Variants in RORA observed in about 807,000 individuals in gnomAD.
The protein encoded by RORA is RAR related orphan receptor A.
A neutral mutation model predicts 69.5 loss-of-function variants in RORA; 7 were observed. That is an observed-to-expected ratio of 0.10 (90% CI 0.06 to 0.19). The LOEUF (loss-of-function observed/expected upper bound fraction) is 0.19. Ranked by LOEUF, RORA falls within the 10% of genes least tolerant of loss-of-function variation. The pLI, the probability that RORA is intolerant of heterozygous loss-of-function variation, is 1.00. For missense variants in RORA, 457 were observed against 663.0 expected, an observed-to-expected ratio of 0.69 and a Z score of 3.41; for synonymous variants, 261 against 240.8, an observed-to-expected ratio of 1.08 and a Z score of -0.78.
At chr15:60,568,423 T>G (rs1013601945) in intron 2 of RORA, among the ~76,000 whole-genome samples, 1 of 152,182 alleles carries the variant, frequency 6.6e-6, no homozygotes, top group East Asian at 1.9e-4. Context: ...CTGATGTAGT[T>G]AAGGGAAACA....
At chr15:61,018,620 T>C (rs114832627) in intron 1 of RORA, among the ~76,000 whole-genome samples, 2,792 of 152,230 alleles carry the variant, frequency 0.018, 104 homozygotes, top group African/African-American at 0.064. Flanking sequence ...AGCATGCATG[T>C]ATATACTGCA....
intron 1 of RORA, among the ~76,000 whole-genome samples, chr15:61,013,846 C>T (rs1463388024): frequency 8.3e-5 from 11 of 131,796 alleles, no homozygotes; most frequent in African/African-American, 2.9e-4. Flanking sequence ...TGCAGTGGCG[C>T]AATTTCGGCT....
At chr15:60,811,997 A>G (rs973816500) in intron 1 of RORA, among the ~76,000 whole-genome samples, 3 of 152,184 alleles carry the variant, frequency 2.0e-5, no homozygotes, top group African/African-American at 7.2e-5. Flanking sequence ...AAGTTGAATC[A>G]AGCAGTAGCA....
intron 1 of RORA, among the ~76,000 whole-genome samples, chr15:61,150,873 G>A (rs2079391519): frequency 6.6e-6 from 1 of 152,126 alleles, no homozygotes; most frequent in Non-Finnish European, 1.5e-5. Flanking sequence ...TCATTACATT[G>A]TGTCAGCTGC....
chr15:60,699,218 T>C (rs1039421367), intron 1 of RORA, among the ~76,000 whole-genome samples: 2 of 152,200 alleles, frequency 1.3e-5, no homozygotes, highest in African/African-American at 4.8e-5. Flanking sequence ...TTTCTGCCTT[T>C]CCTTGCATGC....
intron 1 of RORA, among the ~76,000 whole-genome samples, chr15:61,030,350 T>C (rs1000630848): frequency 6.6e-6 from 1 of 152,212 alleles, no homozygotes; most frequent in African/African-American, 2.4e-5. Context: ...AGAATATCCT[T>C]GTATACAGGG....
At chr15:60,637,187 A>G (rs773260158) in intron 2 of RORA, among the ~76,000 whole-genome samples, 28 of 152,144 alleles carry the variant, frequency 1.8e-4, no homozygotes, top group Non-Finnish European at 3.4e-4. Flanking sequence ...TTCACAGTAT[A>G]TTAATGTCTT....
intron 1 of RORA, among the ~76,000 whole-genome samples, chr15:60,722,292 T>A (rs2140825949): frequency 1.3e-5 from 2 of 152,326 alleles, no homozygotes; most frequent in South Asian, 2.1e-4. Flanking sequence ...GAGCTTGTGT[T>A]CCAGTGAGTG....
chr15:61,005,583 C>G (rs1595873393), intron 1 of RORA, among the ~76,000 whole-genome samples: 1 of 149,138 alleles, frequency 6.7e-6, no homozygotes, highest in South Asian at 2.2e-4. Flanking sequence ...TTCTCTCTCT[C>G]TCTTTCTCTA....
chr15:60,943,345 G>A (rs188239653), intron 1 of RORA, among the ~76,000 whole-genome samples: 7 of 151,172 alleles, frequency 4.6e-5, no homozygotes, highest in East Asian at 3.9e-4. Flanking sequence ...GCTTAGGAAC[G>A]TCAATTCTGA....
intron 1 of RORA, among the ~76,000 whole-genome samples, chr15:61,149,130 G>C (rs774675331): frequency 6.6e-6 from 1 of 152,196 alleles, no homozygotes; most frequent in Non-Finnish European, 1.5e-5. Context: ...CCATTCAGCT[G>C]ACTCTGTTCC....
intron 3 of RORA, among the ~76,000 whole-genome samples, chr15:60,524,274 C>A (rs1028829120): frequency 1.3e-5 from 2 of 152,004 alleles, no homozygotes; most frequent in Admixed American, 6.6e-5. Context: ...CTTCCATTCT[C>A]ATTCCCTCCA....
At chr15:60,610,812 C>G (rs1298857919) in intron 2 of RORA, among the ~76,000 whole-genome samples, 1 of 152,112 alleles carries the variant, frequency 6.6e-6, no homozygotes, top group Non-Finnish European at 1.5e-5. Context: ...GGGCGACCAT[C>G]CAAATACAAA....
intron 1 of RORA, among the ~76,000 whole-genome samples, chr15:61,222,590 T>C (rs1446069359): frequency 1.3e-5 from 2 of 152,172 alleles, no homozygotes. Context: ...AACTGGGCTG[T>C]CACAAAAGAA....
intron 1 of RORA, among the ~76,000 whole-genome samples, chr15:60,821,486 G>A (rs1156733921): frequency 2.6e-5 from 4 of 152,128 alleles, no homozygotes; most frequent in South Asian, 2.1e-4. Flanking sequence ...AGGCTTCCAC[G>A]TGACTAGTAA....
At chr15:60,938,797 T>C (rs1276552591) in intron 1 of RORA, among the ~76,000 whole-genome samples, 3 of 152,230 alleles carry the variant, frequency 2.0e-5, no homozygotes. Flanking sequence ...AGAACATTAA[T>C]ACAAATCTGC....
chr15:60,761,750 C>G (rs986223934), intron 1 of RORA, among the ~76,000 whole-genome samples: 2 of 152,104 alleles, frequency 1.3e-5, no homozygotes, highest in Non-Finnish European at 2.9e-5. Context: ...ATTCAAAACA[C>G]TATATGAGAA....
chr15:61,149,436 T>C (rs764760275), intron 1 of RORA, among the ~76,000 whole-genome samples: 1 of 151,802 alleles, frequency 6.6e-6, no homozygotes, highest in African/African-American at 2.4e-5. Context: ...CCACCACCAC[T>C]ACTAGAAAAG....
chr15:61,099,722 G>C (rs1239604653), intron 1 of RORA, among the ~76,000 whole-genome samples: 2 of 152,174 alleles, frequency 1.3e-5, no homozygotes, highest in Non-Finnish European at 2.9e-5. Flanking sequence ...ATTTTTAATG[G>C]CAACTCCTTG....
Sources: allele counts gnomAD v4.1 joint callset (sites outside exome capture counted in the v4.1 genomes callset), GRCh38; gene constraint gnomAD v4.1.1; transcripts MANE v1.5; gene names NCBI Gene and HGNC (gene_info 2026-07-23, HGNC 2026-07-21).